The following ZBTB20 variants were observed in gnomAD, a reference collection of about 807,000 sequenced individuals.
ZBTB20 encodes the protein zinc finger and BTB domain containing 20, also known as zinc finger and BTB domain-containing protein 20.
ZBTB20 carries 9 observed loss-of-function variants against 56.9 expected under a neutral mutation model. The ratio of observed to expected loss-of-function variants is 0.16; its 90% CI spans 0.10 to 0.28. The LOEUF (loss-of-function observed/expected upper bound fraction) is 0.28, where lower values mean the gene tolerates loss of function less well. Ranked by LOEUF, ZBTB20 falls within the 10% of genes least tolerant of loss-of-function variation. The probability of loss-of-function intolerance (pLI) is 1.00; values close to 1 mark genes in which losing one functional copy is unlikely to be tolerated. For synonymous variants in ZBTB20, 417 were observed against 420.7 expected, an observed-to-expected ratio of 0.99 and a Z score of 0.11; for missense variants, 655 against 1,003.0, an observed-to-expected ratio of 0.65 and a Z score of 4.69.
At chr3:114,694,968 C>T (rs1451284403) in intron 5 of ZBTB20, among the ~76,000 whole-genome samples, 1 of 152,022 alleles carries the variant, frequency 6.6e-6, no homozygotes, top group Non-Finnish European at 1.5e-5. Context: ...ACTTGTATGG[C>T]TTACTGCTTA....
At chr3:114,585,095 C>T (rs774891086) in intron 6 of ZBTB20, among the ~76,000 whole-genome samples, 1 of 152,072 alleles carries the variant, frequency 6.6e-6, no homozygotes, top group Non-Finnish European at 1.5e-5. Context: ...GGACTACACA[C>T]TCGAGGAACC....
Position 114,336,524 on chromosome 3 carries a change from C to G in ZBTB20, c.*2481G>C, listed in dbSNP as rs2079459141. ...TTAACCACCCAAGTTTACATTAAAA[C>G]TTCTAGCAAAATATCCACTGAATTA... On this transcript the variant is annotated 3_prime_UTR_variant, in exon 12 of 12. Coordinates refer to ENST00000675478, the MANE Select transcript of ZBTB20 (RefSeq NM_001348800.3). The G allele has an allele frequency of 6.6e-6, 1 of 152,184 alleles. No individual in the cohort carries two copies. Among genetic ancestry groups the G allele is most frequent in the East Asian group, 1.9e-4 (1 of 5,196 alleles). 9.4% of individuals were successfully genotyped at this position (152,184 alleles called of 1,614,324 possible).
intron 7 of ZBTB20, among the ~76,000 whole-genome samples, chr3:114,474,195 G>A (rs888029122): frequency 6.6e-6 from 1 of 152,240 alleles, no homozygotes; most frequent in Admixed American, 6.5e-5. Flanking sequence ...TACAATTCAA[G>A]AGGAGGTTTG....
At chr3:115,068,406 C>T (rs1268759985) in intron 2 of ZBTB20, among the ~76,000 whole-genome samples, 1 of 151,878 alleles carries the variant, frequency 6.6e-6, no homozygotes, top group Non-Finnish European at 1.5e-5. Flanking sequence ...AATGATGACA[C>T]ACAGCAGAAT....
At chr3:114,417,025 A>G (rs1246857718) in intron 7 of ZBTB20, among the ~76,000 whole-genome samples, 1 of 152,118 alleles carries the variant, frequency 6.6e-6, no homozygotes, top group Non-Finnish European at 1.5e-5. Context: ...CTTACCAAAT[A>G]CAGATGTTTT....
chr3:114,832,433 C>CA (rs2073901447), intron 4 of ZBTB20, among the ~76,000 whole-genome samples: 1 of 151,998 alleles, frequency 6.6e-6, no homozygotes, highest in African/African-American at 2.4e-5. Flanking sequence ...CTAGTGAAGG[C>CA]ATGGTGACTG....
At chr3:114,629,489 A>T (rs1365749466) in intron 6 of ZBTB20, among the ~76,000 whole-genome samples, 1 of 152,174 alleles carries the variant, frequency 6.6e-6, no homozygotes, top group Non-Finnish European at 1.5e-5. Flanking sequence ...CATGTAAAAT[A>T]TTTAAAAATT....
At chr3:114,636,254 A>C (rs2059265704) in intron 6 of ZBTB20, among the ~76,000 whole-genome samples, 1 of 152,152 alleles carries the variant, frequency 6.6e-6, no homozygotes, top group Non-Finnish European at 1.5e-5. Context: ...AGGGGTGTTC[A>C]CCATCACTGT....
intron 4 of ZBTB20, among the ~76,000 whole-genome samples, chr3:114,836,241 T>C (rs1187232395): frequency 1.3e-5 from 2 of 152,202 alleles, no homozygotes; most frequent in East Asian, 1.9e-4. Flanking sequence ...GTGGATTTTC[T>C]AGCATTCTAT....
intron 6 of ZBTB20, among the ~76,000 whole-genome samples, chr3:114,526,936 G>A (rs1054729230): frequency 6.6e-5 from 10 of 151,998 alleles, no homozygotes; most frequent in African/African-American, 2.4e-4. Flanking sequence ...CCCTCCTCCA[G>A]ATCTTTTTTC....
intron 7 of ZBTB20, among the ~76,000 whole-genome samples, chr3:114,489,400 A>G (rs1444383876): frequency 6.6e-6 from 1 of 152,200 alleles, no homozygotes; most frequent in Non-Finnish European, 1.5e-5. Context: ...AGTAGTGAAT[A>G]TAACCCAAAT....
intron 11 of ZBTB20, among the ~76,000 whole-genome samples, chr3:114,349,271 G>C (rs926688187): frequency 3.3e-5 from 5 of 151,508 alleles, no homozygotes; most frequent in African/African-American, 1.2e-4. Flanking sequence ...AGGTCCAAGA[G>C]AATCTAGGTG....
At chr3:114,353,248 T>C (rs1400257491) in intron 10 of ZBTB20, among the ~76,000 whole-genome samples, 5 of 152,178 alleles carry the variant, frequency 3.3e-5, no homozygotes, top group Non-Finnish European at 1.5e-5. Context: ...TCTCTCTGTC[T>C]TGTGAGAAGC....
At chr3:114,620,963 T>C (rs2107761208) in intron 6 of ZBTB20, among the ~76,000 whole-genome samples, 1 of 152,308 alleles carries the variant, frequency 6.6e-6, no homozygotes, top group South Asian at 2.1e-4. Context: ...CTGATGCTAA[T>C]ATGTAAATAC....
intron 6 of ZBTB20, among the ~76,000 whole-genome samples, chr3:114,550,742 T>C (rs370401292): frequency 6.6e-6 from 1 of 152,246 alleles, no homozygotes; most frequent in Admixed American, 6.5e-5. Context: ...ATTTTACAGA[T>C]CCCAAGATAT....
chr3:114,509,658 A>C (rs1244322202), intron 6 of ZBTB20, among the ~76,000 whole-genome samples: 1 of 152,126 alleles, frequency 6.6e-6, no homozygotes, highest in Non-Finnish European at 1.5e-5. Flanking sequence ...ATACTCCATG[A>C]AGTGCTGTTA....
chr3:114,776,581 T>C (rs2069624187), intron 5 of ZBTB20, among the ~76,000 whole-genome samples: 1 of 152,220 alleles, frequency 6.6e-6, no homozygotes, highest in African/African-American at 2.4e-5. Flanking sequence ...GACTTTTGGC[T>C]TCCAGAACTG....
chr3:114,934,137 T>A (rs2107817815), intron 3 of ZBTB20, among the ~76,000 whole-genome samples: 1 of 152,328 alleles, frequency 6.6e-6, no homozygotes, highest in East Asian at 1.9e-4. Context: ...ATGAATCTCA[T>A]CGAGTTATAG....
chr3:114,993,232 C>G (rs2078891748), intron 2 of ZBTB20, among the ~76,000 whole-genome samples: 1 of 151,080 alleles, frequency 6.6e-6, no homozygotes, highest in Admixed American at 6.6e-5. Flanking sequence ...AAGAGAAAAG[C>G]AGTACAAAAG....
Sources: gnomAD v4.1 joint callset for allele counts (sites outside exome capture counted in the v4.1 genomes callset) on GRCh38, gnomAD v4.1.1 for gene constraint, MANE v1.5 for transcripts, NCBI Gene and HGNC (gene_info 2026-07-23, HGNC 2026-07-21) for gene names.